The following TMEM132D variants were observed in gnomAD, a reference collection of about 807,000 sequenced individuals.
The protein encoded by TMEM132D is transmembrane protein 132D, also known as mature OL transmembrane protein.
A neutral mutation model predicts 62.3 loss-of-function variants in TMEM132D; 21 were observed. That is an observed-to-expected ratio of 0.34 (90% confidence interval 0.24 to 0.49). The LOEUF is 0.49. Among genes scored for constraint, TMEM132D ranks in the 20% least tolerant of loss-of-function variants. The probability of loss-of-function intolerance (pLI) is 0.99; values close to 1 mark genes in which losing one functional copy is unlikely to be tolerated. For missense variants in TMEM132D, 1,346 were observed against 1,402.8 expected (o/e 0.96, Z 0.65); for synonymous variants, 621 against 575.6 (o/e 1.08, Z -1.13).
intron 2 of TMEM132D, among the ~76,000 whole-genome samples, chr12:129,599,554 G>A (rs902492548): frequency 3.9e-5 from 6 of 152,106 alleles, no homozygotes; most frequent in South Asian, 2.1e-4. Flanking sequence ...CCATAAAACT[G>A]TTGACTGTCA....
intron 5 of TMEM132D, chr12:129,110,564 T>C (rs1875660450): frequency 6.6e-6 from 1 of 152,138 alleles, no homozygotes; most frequent in Non-Finnish European, 1.5e-5. Flanking sequence ...AGCGAAAACA[T>C]AACACACTGC....
intron 1 of TMEM132D, among the ~76,000 whole-genome samples, chr12:129,820,352 T>G (rs757613278): frequency 4.6e-5 from 7 of 152,208 alleles, no homozygotes; most frequent in Non-Finnish European, 7.3e-5. Context: ...AGTGCTCTTT[T>G]GCAGGTAAAG....
intron 3 of TMEM132D, among the ~76,000 whole-genome samples, chr12:129,384,234 A>T (rs534194116): frequency 1.3e-5 from 2 of 152,368 alleles, no homozygotes; most frequent in South Asian, 4.1e-4. Context: ...AAAAGAGCTT[A>T]TTGAAACTTT....
intron 1 of TMEM132D, among the ~76,000 whole-genome samples, chr12:129,767,204 AG>A (rs1213241267): frequency 2.0e-5 from 3 of 152,212 alleles, no homozygotes. Context: ...AAAGCATAAA[AG>A]CTTTCTGCTT....
intron 1 of TMEM132D, among the ~76,000 whole-genome samples, chr12:129,808,375 ACT>A (rs1872063744): frequency 6.6e-6 from 1 of 152,162 alleles, no homozygotes; most frequent in African/African-American, 2.4e-5. Flanking sequence ...CAGAAAACAA[ACT>A]CTTTGTGAAA....
In TMEM132D at chr12:129,707,981, C is replaced by G. The variant is rs1249021397; in HGVS notation, c.80-7283G>C. Among the ~76,000 whole-genome samples the G allele has an allele frequency of 4.6e-5, 7 of 152,142 alleles. No homozygotes were observed. The East Asian group carries it at 5.8e-4, about 13-fold the overall frequency. On this transcript the variant is annotated intron_variant, in intron 1 of 8. Coordinates refer to ENST00000422113, the MANE Select transcript of TMEM132D (RefSeq NM_133448.3). ...CCCGTAATCCCAGCACTTTGGGAGG[C>G]CAAAGCAAGCAGATCACTTGAGGTC... is the stretch of plus-strand genomic sequence containing the variant.
At chr12:129,888,196 T>C (rs936778247) in intron 1 of TMEM132D, among the ~76,000 whole-genome samples, 1 of 152,218 alleles carries the variant, frequency 6.6e-6, no homozygotes, top group Non-Finnish European at 1.5e-5. Flanking sequence ...CCATTGTGCA[T>C]AGTTTTTACA....
At chr12:129,717,162 C>T (rs530772704) in intron 1 of TMEM132D, among the ~76,000 whole-genome samples, 17 of 152,286 alleles carry the variant, frequency 1.1e-4, no homozygotes, top group South Asian at 6.2e-4. Context: ...CAACCGTACA[C>T]GACAGCCCTG....
intron 5 of TMEM132D, among the ~76,000 whole-genome samples, chr12:129,191,267 GAA>G (rs1878393338): frequency 7.1e-6 from 1 of 140,396 alleles, no homozygotes; most frequent in Non-Finnish European, 1.5e-5. Context: ...ATATCTTGCC[GAA>G]AAGACACAGA....
At chr12:129,731,879 G>A (rs1053289221) in intron 1 of TMEM132D, among the ~76,000 whole-genome samples, 3 of 152,160 alleles carry the variant, frequency 2.0e-5, no homozygotes, top group Non-Finnish European at 2.9e-5. Context: ...AGCCAGGATG[G>A]TCTCGATCTC....
chr12:129,641,916 A>G (rs1316638665), intron 2 of TMEM132D, among the ~76,000 whole-genome samples: 1 of 152,146 alleles, frequency 6.6e-6, no homozygotes, highest in East Asian at 1.9e-4. Context: ...ATTGCAGCTC[A>G]TTTTGTAACT....
intron 5 of TMEM132D, among the ~76,000 whole-genome samples, chr12:129,179,234 T>TATCTATTGTATTGCTCCAACAATGAAATA (rs1877995170): frequency 1.3e-5 from 2 of 152,204 alleles, no homozygotes; most frequent in Non-Finnish European, 2.9e-5. Context: ...GAGGAGTGAT[T>TATCTATTGTATTGCTCCAACAATGAAATA]ATCTATTGTA....
chr12:129,743,239 T>C (rs1049751652), intron 1 of TMEM132D, among the ~76,000 whole-genome samples: 4 of 152,222 alleles, frequency 2.6e-5, no homozygotes, highest in Non-Finnish European at 1.5e-5. Flanking sequence ...TTCCCTGATA[T>C]ATTTGGCCGT....
At chr12:129,097,224 G>A (rs536936767) in intron 5 of TMEM132D, among the ~76,000 whole-genome samples, 2 of 152,200 alleles carry the variant, frequency 1.3e-5, no homozygotes, top group Non-Finnish European at 2.9e-5. Context: ...TCTCTCCAGC[G>A]GTGACGACCA....
chr12:129,329,155 CCATAT>C (rs530405938), intron 4 of TMEM132D, among the ~76,000 whole-genome samples: 3 of 151,888 alleles, frequency 2.0e-5, no homozygotes, highest in Non-Finnish European at 2.9e-5. Context: ...CTCATCTCCT[CCATAT>C]ATGTGTAGAA....
intron 1 of TMEM132D, among the ~76,000 whole-genome samples, chr12:129,834,844 C>T (rs544365826): frequency 1.3e-5 from 2 of 152,292 alleles, no homozygotes; most frequent in South Asian, 4.1e-4. Flanking sequence ...TCATCAGGAA[C>T]TTGGGGCATG....
intron 3 of TMEM132D, among the ~76,000 whole-genome samples, chr12:129,496,701 G>A (rs1174682312): frequency 1.3e-5 from 2 of 151,952 alleles, no homozygotes; most frequent in Non-Finnish European, 2.9e-5. Flanking sequence ...GAGCCACCAG[G>A]AGAGAGAAAT....
intron 4 of TMEM132D, chr12:129,209,948 G>A: frequency 2.5e-6 from 1 of 403,390 alleles, no homozygotes; most frequent in Non-Finnish European, 4.6e-6. Context: ...AAACACTTAT[G>A]TGTCAGGCAC....
At chr12:129,160,226 C>T (rs185704482) in intron 5 of TMEM132D, among the ~76,000 whole-genome samples, 114 of 152,318 alleles carry the variant, frequency 7.5e-4, no homozygotes, top group African/African-American at 2.2e-3. Context: ...TTCTATTTTT[C>T]ACAGAATTCA....
Sources: allele counts gnomAD v4.1 joint callset (sites outside exome capture counted in the v4.1 genomes callset), GRCh38; gene constraint gnomAD v4.1.1; transcripts MANE v1.5; gene names NCBI Gene and HGNC (gene_info 2026-07-23, HGNC 2026-07-21).